The following PLAGL1 variants were observed in gnomAD, a reference collection of about 807,000 sequenced individuals.
The protein encoded by PLAGL1 is zinc finger protein PLAGL1.
PLAGL1 carries 1 observed loss-of-function variant against 4.6 expected under a neutral mutation model. The observed-to-expected ratio is 0.22, with a 90% confidence interval of 0.08 to 1.03. The LOEUF is 1.03. Among genes scored for constraint, PLAGL1 ranks in the 50% least tolerant of loss-of-function variants. The pLI is 0.58. For synonymous variants in PLAGL1, 240 were observed against 237.8 expected, an observed-to-expected ratio of 1.01 and a Z score of -0.08; for missense variants, 464 against 570.4, an observed-to-expected ratio of 0.81 and a Z score of 1.90.
At position 143,940,533 on chromosome 6, in the gene PLAGL1, TACTTAAGA is replaced by T. The variant is rs1778356221; in HGVS notation, c.*883_*890del. 6.6e-6 allele frequency: 1 copy of T among 152,374 alleles called. No individual in the cohort carries two copies. Among genetic ancestry groups the T allele is most frequent in the Non-Finnish European group, 1.5e-5 (1 of 68,024 alleles). 9.4% of individuals were successfully genotyped at this position (152,374 alleles called of 1,614,324 possible). The stretch of plus-strand genomic sequence containing the variant: ...CTTATTTATTGGTGATTACAAACAA[TACTTAAGA>T]ACTTAAGCAGCTTGAGTAGTAGTTT... On this transcript the variant is annotated 3_prime_UTR_variant, in exon 8 of 8. Coordinates refer to ENST00000674357, the MANE Select transcript of PLAGL1 (RefSeq NM_001317162.2).
chr6:144,022,276 AG>A lies in PLAGL1; in HGVS notation c.-151+42191del, dbSNP rs1437909045. 6.6e-6 allele frequency among the ~76,000 whole-genome samples: 1 copy of A among 152,256 alleles called. No homozygotes were observed. The highest frequency in any genetic ancestry group is 1.9e-4 in the East Asian group (1 of 5,208). ...AGAGGAGATATGTAGATGGCATGTA[AG>A]CATATGAAAAGATGTTCAGCATCAT... On this transcript the variant is annotated intron_variant, in intron 1 of 3. Coordinates refer to the PLAGL1 transcript ENST00000437412. The surrounding 1 kb of genome is among the most constrained non-coding windows in gnomAD (Gnocchi z 4.2).
intron 6 of PLAGL1, among the ~76,000 whole-genome samples, chr6:143,951,046 TA>T (rs1219663468): frequency 6.6e-6 from 1 of 152,202 alleles, no homozygotes; most frequent in Non-Finnish European, 1.5e-5. Flanking sequence ...CCTGAAGCTA[TA>T]AATCCAGGCA....
At chr6:144,009,414 G>A (rs1794962926), upstream of PLAGL1, among the ~76,000 whole-genome samples, 1 of 152,178 alleles carries the variant, frequency 6.6e-6, no homozygotes, top group South Asian at 2.1e-4. Flanking sequence ...TGTTTGAGAA[G>A]ATCTGGTGTT....
Position 143,979,160 on chromosome 6 carries a change from TTG to T in PLAGL1, c.-544+5973_-544+5974del, listed in dbSNP as rs1787331825. Among the ~76,000 whole-genome samples the T allele has an allele frequency of 6.6e-6, 1 of 152,188 alleles. No individual in the cohort carries two copies. Among genetic ancestry groups the T allele is most frequent in the African/African-American group, 2.4e-5 (1 of 41,454 alleles). ...TTTCATCCGTTAGCTTATAATCTATTTGTGTCTTTACACATGAAGTGCATTTT... is the reference window on the plus strand; with the variant it reads ...TTTCATCCGTTAGCTTATAATCTATTTGTCTTTACACATGAAGTGCATTTT... On this transcript the variant is annotated intron_variant, in intron 2 of 7. Transcript: ENST00000674357. This position sits in a 1 kb window ranked among gnomAD's most constrained non-coding sequence, Gnocchi z 4.6.
rs576326191 is a variant in PLAGL1 at position 143,985,321 on chromosome 6, C to T, written c.-583-147G>A. ...ACAATAGTAACATTTCACAAAACAA[C>T]AGTACAATATCACAACCGATATGTT... is the stretch of plus-strand genomic sequence containing the variant. On this transcript the variant is annotated intron_variant, in intron 1 of 7. Transcript: ENST00000674357. This position sits in a 1 kb window ranked among gnomAD's most constrained non-coding sequence, Gnocchi z 4.4. 1 of 152,182 alleles carries T rather than the reference C, an allele frequency of 6.6e-6. No individual in the cohort carries two copies. The highest frequency in any genetic ancestry group is 2.1e-4 in the South Asian group (1 of 4,834). 9.4% of individuals were successfully genotyped at this position (152,182 alleles called of 1,614,324 possible).
Position 144,041,310 on chromosome 6 carries a change from C to T in PLAGL1, c.-151+23158G>A, listed in dbSNP as rs1342132898. 2.6e-5 allele frequency among the ~76,000 whole-genome samples: 4 copies of T among 152,050 alleles called. No individual in the cohort carries two copies. In the East Asian group the frequency reaches 5.8e-4, roughly 22 times the overall value. ...AACTCATCATTTACATTAGGTATTT[C>T]TCCTAATGCTATCCCTCCCCCATGC... On this transcript the variant is annotated intron_variant, in intron 1 of 3. Transcript: ENST00000437412.
intron 1 of PLAGL1, chr6:144,037,491 G>C (rs1251002429): frequency 6.6e-6 from 1 of 151,096 alleles, no homozygotes; most frequent in Non-Finnish European, 1.5e-5. Context: ...AGGAGGCTGA[G>C]ATGGGAGGAT....
intron 1 of PLAGL1, among the ~76,000 whole-genome samples, chr6:144,051,846 T>A (rs1029996312): frequency 8.5e-5 from 13 of 152,072 alleles, no homozygotes; most frequent in African/African-American, 3.1e-4. Flanking sequence ...GGAAAGACCC[T>A]CCCCCATAAT....
At position 144,027,300 on chromosome 6, in the gene PLAGL1, T is replaced by C. The variant is rs920122133; in HGVS notation, c.-151+37168A>G. Among the ~76,000 whole-genome samples, 5 of 131,536 alleles carry C rather than the reference T, an allele frequency of 3.8e-5. No homozygotes were observed. The highest frequency in any genetic ancestry group is 8.2e-5 in the Non-Finnish European group (5 of 60,952). 86.3% of individuals were successfully genotyped at this position (131,536 alleles called of 152,430 possible). The stretch of plus-strand genomic sequence containing the variant: ...GAAAGAAAGAAAGAAAGAAAGTTAT[T>C]TGATCTGAAGTACAATGTCTTTAAG... On this transcript the variant is annotated intron_variant, in intron 1 of 3. Coordinates refer to the PLAGL1 transcript ENST00000437412. This position sits in a 1 kb window ranked among gnomAD's most constrained non-coding sequence, Gnocchi z 5.8.
chr6:144,042,589 G>C (rs976857216), intron 1 of PLAGL1, among the ~76,000 whole-genome samples: 5 of 152,198 alleles, frequency 3.3e-5, no homozygotes, highest in Admixed American at 2.0e-4. Flanking sequence ...TTATAGTATA[G>C]TTTGAAGTCA....
chr6:143,976,776 A>G (rs1424666083), intron 2 of PLAGL1, among the ~76,000 whole-genome samples: 1 of 152,180 alleles, frequency 6.6e-6, no homozygotes, highest in Non-Finnish European at 1.5e-5. Context: ...CTTCTCTCAC[A>G]ACATGAAAGA....
intron 2 of PLAGL1, among the ~76,000 whole-genome samples, chr6:143,977,089 C>G (rs573634147): frequency 2.9e-4 from 43 of 147,898 alleles, no homozygotes; most frequent in African/African-American, 9.8e-4. Context: ...CCCTTCCCCC[C>G]CCCCAACACA....
chr6:144,003,872 C>T (rs1793538708), intron 1 of PLAGL1, among the ~76,000 whole-genome samples: 2 of 152,188 alleles, frequency 1.3e-5, no homozygotes, highest in South Asian at 4.1e-4. Context: ...AACCAACCTA[C>T]CAAAAACCAT....
rs1785412995 is a variant in PLAGL1 at position 143,971,452 on chromosome 6, T to C, written c.-543-2474A>G. Among the ~76,000 whole-genome samples, 1 of 152,236 alleles carries C rather than the reference T, an allele frequency of 6.6e-6. No individual in the cohort carries two copies. On this transcript the variant is annotated intron_variant, in intron 2 of 7. Transcript: ENST00000674357. The surrounding 1 kb of genome is among the most constrained non-coding windows in gnomAD (Gnocchi z 4.7). ...TTACTTACTCCCTCCTACAACACTT[T>C]CTAAAAATTTCCATTATGATTTTAA...
rs553648229 is a variant in PLAGL1, at chr6:143,975,263, A to G, written c.-543-6285T>C. Among the ~76,000 whole-genome samples, 1 of 152,334 alleles carries G rather than the reference A, an allele frequency of 6.6e-6. No individual in the cohort carries two copies. Among genetic ancestry groups the G allele is most frequent in the South Asian group, 2.1e-4 (1 of 4,830 alleles). On this transcript the variant is annotated intron_variant, in intron 2 of 7. Transcript: ENST00000674357. The surrounding 1 kb of genome is among the most constrained non-coding windows in gnomAD (Gnocchi z 5.8). ...TAAGTCATCCTAGTTTTTGAGGCCA[A>G]TGGGTTGTACCACTTCCATTCAATG... is the stretch of plus-strand genomic sequence containing the variant.
intron 1 of PLAGL1, among the ~76,000 whole-genome samples, chr6:144,026,787 C>G (rs1796373689): frequency 6.6e-6 from 1 of 152,212 alleles, no homozygotes; most frequent in African/African-American, 2.4e-5. Flanking sequence ...CTGCAAACCA[C>G]TGTAACTACT....
rs1299800329 is a variant in PLAGL1, at chr6:144,050,445, C to T, written c.-151+14023G>A. Among the ~76,000 whole-genome samples, 1 of 152,188 alleles carries T rather than the reference C, an allele frequency of 6.6e-6. No individual in the cohort carries two copies. The highest frequency in any genetic ancestry group is 1.5e-5 in the Non-Finnish European group (1 of 68,040). The stretch of plus-strand genomic sequence containing the variant: ...ATTTTTATCGCTCATATGTTATTCT[C>T]TTTTCTTCTGTCTGAGGAGAGAAAG... On this transcript the variant is annotated intron_variant, in intron 1 of 3. Coordinates refer to the PLAGL1 transcript ENST00000437412. The surrounding 1 kb of genome is among the most constrained non-coding windows in gnomAD (Gnocchi z 4.3).
At position 143,947,873 on chromosome 6, in the gene PLAGL1, TA is replaced by T; in HGVS notation, c.152+111del. The T allele has an allele frequency of 1.2e-6, 1 of 823,566 alleles. No homozygotes were observed. Among genetic ancestry groups the T allele is most frequent in the Non-Finnish European group, 1.9e-6 (1 of 517,872 alleles). The allele number at this position is 823,566 out of a possible 1,614,324, so 51.0% of individuals were successfully genotyped here. A position where few individuals can be genotyped will look rare whatever the true frequency, so the allele number is the denominator to read the frequency against. On this transcript the variant is annotated intron_variant, in intron 7 of 7. Coordinates refer to ENST00000674357, the MANE Select transcript of PLAGL1 (RefSeq NM_001317162.2). This position sits in a 1 kb window ranked among gnomAD's most constrained non-coding sequence, Gnocchi z 4.3. ...CAGATTTCAAGAATCCCTCAAAGGC[TA>T]AAATGCATCCATATCCTGTGTCCCT...
intron 2 of PLAGL1, among the ~76,000 whole-genome samples, chr6:143,977,083 TC>T (rs55975019): frequency 0.064 from 8,710 of 136,952 alleles, 737 homozygotes; most frequent in African/African-American, 0.18. Context: ...TATACTCCCT[TC>T]CCCCCCCCCA....
Sources: allele counts gnomAD v4.1 joint callset (sites outside exome capture counted in the v4.1 genomes callset), GRCh38; gene constraint gnomAD v4.1.1; non-coding constraint Gnocchi (gnomAD v3.1); transcripts MANE v1.5; gene names NCBI Gene and HGNC (gene_info 2026-07-23, HGNC 2026-07-21).